Variants in CADM2 observed in about 807,000 individuals in gnomAD.
CADM2 encodes the protein immunoglobulin superfamily member 4D.
CADM2 carries 12 observed loss-of-function variants against 49.8 expected under a neutral mutation model. The observed-to-expected ratio is 0.24, with a 90% CI of 0.15 to 0.39. CADM2 has a LOEUF of 0.39. Among genes scored for constraint, CADM2 ranks in the 10% least tolerant of loss-of-function variants. The pLI, the probability that CADM2 is intolerant of heterozygous loss-of-function variation, is 1.00. For missense variants in CADM2, 378 were observed against 492.3 expected (o/e 0.77, Z 2.20); for synonymous variants, 214 against 175.4 (o/e 1.22, Z -1.74).
At position 85,986,439 on chromosome 3, in the gene CADM2, A is replaced by T. The variant is rs549722257; in HGVS notation, c.970+24792A>T. On this transcript the variant is annotated intron_variant, in intron 8 of 9. Coordinates refer to ENST00000383699, the MANE Select transcript of CADM2 (RefSeq NM_001167675.2). ...AAGTTGTTTATGAGATTCTATTATG[A>T]GTGTTTAGCTATTAAAAATCTTTTT... 1.3e-4 allele frequency among the ~76,000 whole-genome samples: 19 copies of T among 151,420 alleles called. No homozygotes were observed. The South Asian group carries it at 3.5e-3, about 28-fold the overall frequency.
intron 1 of CADM2, among the ~76,000 whole-genome samples, chr3:85,264,588 C>A (rs1405565117): frequency 6.6e-6 from 1 of 151,880 alleles, no homozygotes; most frequent in Non-Finnish European, 1.5e-5. Flanking sequence ...GTGTTGCCAG[C>A]CAATTTAGGG....
At chr3:86,003,931 G>A (rs1449392615) in intron 8 of CADM2, among the ~76,000 whole-genome samples, 1 of 152,138 alleles carries the variant, frequency 6.6e-6, no homozygotes, top group Admixed American at 6.6e-5. Context: ...AAAGGAATTC[G>A]TAATATCACA....
intron 1 of CADM2, among the ~76,000 whole-genome samples, chr3:85,572,159 T>C (rs1358637621): frequency 3.3e-5 from 5 of 152,086 alleles, no homozygotes; most frequent in Non-Finnish European, 7.4e-5. Context: ...TAGCCGGGCA[T>C]GGTGGCGGAT....
chr3:85,360,248 A>G (rs1166097769), intron 1 of CADM2, among the ~76,000 whole-genome samples: 1 of 152,148 alleles, frequency 6.6e-6, no homozygotes, highest in Non-Finnish European at 1.5e-5. Flanking sequence ...CACAAAGCTT[A>G]GGACTTATAA....
rs1358481537 is a variant in CADM2 at position 85,282,524 on chromosome 3, G to A, written c.61+322856G>A. 3.4e-5 allele frequency among the ~76,000 whole-genome samples: 5 copies of A among 149,196 alleles called. No individual in the cohort carries two copies. The East Asian group carries it at 9.9e-4, about 30-fold the overall frequency. ...TGACCTCAAACAATCTACCCGCCTCGGCCTCCCAAAGTGCTGTGATTACAG... is the reference window on the plus strand; with the variant it reads ...TGACCTCAAACAATCTACCCGCCTCAGCCTCCCAAAGTGCTGTGATTACAG... On this transcript the variant is annotated intron_variant, in intron 1 of 9. Transcript: ENST00000383699.
intron 1 of CADM2, among the ~76,000 whole-genome samples, chr3:85,150,923 A>AAATAAT (rs199583843): frequency 0.017 from 2,472 of 146,794 alleles, 59 homozygotes; most frequent in African/African-American, 0.055. Context: ...AAATAAAAAT[A>AAATAAT]AATAATAATA....
At chr3:85,209,386 A>T (rs1330249482) in intron 1 of CADM2, among the ~76,000 whole-genome samples, 1 of 152,140 alleles carries the variant, frequency 6.6e-6, no homozygotes, top group Non-Finnish European at 1.5e-5. Context: ...AGATAAAGTA[A>T]CTGAAGTCCT....
At position 85,180,119 on chromosome 3, in the gene CADM2, A is replaced by G. The variant is rs141004993; in HGVS notation, c.61+220451A>G. ...TGAATATAAATAAAATAAATAAGTA[A>G]AATATATAGTAGGTTATATACTGCT... On this transcript the variant is annotated intron_variant, in intron 1 of 9. Transcript: ENST00000383699. Among the ~76,000 whole-genome samples the G allele has an allele frequency of 5.3e-3, 801 of 152,246 alleles. 6 individuals carry two copies. Among genetic ancestry groups the G allele is most frequent in the African/African-American group, 0.018 (760 of 41,560 alleles).
intron 8 of CADM2, among the ~76,000 whole-genome samples, chr3:86,008,248 G>A (rs1165791572): frequency 2.0e-5 from 3 of 152,104 alleles, no homozygotes; most frequent in Non-Finnish European, 4.4e-5. Flanking sequence ...CGTGCAGCCT[G>A]TTTATTCCTT....
chr3:85,524,928 C>T (rs968255354), intron 1 of CADM2, among the ~76,000 whole-genome samples: 2 of 152,014 alleles, frequency 1.3e-5, no homozygotes, highest in Admixed American at 6.6e-5. Flanking sequence ...TGTTTTGAAA[C>T]CTATTTTGCC....
chr3:85,896,536 G>T (rs1715236077), intron 5 of CADM2, among the ~76,000 whole-genome samples: 1 of 152,164 alleles, frequency 6.6e-6, no homozygotes, highest in Non-Finnish European at 1.5e-5. Context: ...ATTATGCTGT[G>T]TACACCTGGT....
In CADM2 at chr3:85,314,089, C is replaced by T. The variant is rs544195171; in HGVS notation, c.61+354421C>T. 8.9e-3 allele frequency among the ~76,000 whole-genome samples: 1,360 copies of T among 152,188 alleles called. 19 individuals are homozygous for T. The highest frequency in any genetic ancestry group is 0.015 in the Non-Finnish European group (1,043 of 68,002). ...ATTTTTAGTAGAGACGGAGTTTCAC[C>T]GTGTTAGCCAGGATGGTCTCGATCT... is the stretch of plus-strand genomic sequence containing the variant. On this transcript the variant is annotated intron_variant, in intron 1 of 9. Coordinates refer to ENST00000383699, the MANE Select transcript of CADM2 (RefSeq NM_001167675.2).
intron 1 of CADM2, among the ~76,000 whole-genome samples, chr3:85,340,352 C>T (rs1391477620): frequency 6.6e-6 from 1 of 151,442 alleles, no homozygotes; most frequent in Non-Finnish European, 1.5e-5. Flanking sequence ...GAAATTTCCT[C>T]ATGAAGAAAT....
At chr3:85,040,339 C>T (rs1328333858) in intron 1 of CADM2, among the ~76,000 whole-genome samples, 6 of 152,100 alleles carry the variant, frequency 3.9e-5, no homozygotes, top group Non-Finnish European at 7.4e-5. Flanking sequence ...TTTATTTGTT[C>T]CTTGCCTTTG....
At chr3:86,029,602 G>C (rs1159860513) in intron 8 of CADM2, among the ~76,000 whole-genome samples, 1 of 151,830 alleles carries the variant, frequency 6.6e-6, no homozygotes, top group Non-Finnish European at 1.5e-5. Flanking sequence ...ATCAAGGAAA[G>C]ATCATTGTCT....
intron 1 of CADM2, among the ~76,000 whole-genome samples, chr3:85,371,650 GAT>G (rs1200409176): frequency 3.8e-3 from 244 of 64,806 alleles, no homozygotes; most frequent in Non-Finnish European, 6.6e-3. Context: ...TGTGCATGGG[GAT>G]ATATATATAT....
chr3:85,525,386 T>C (rs1262200507), intron 1 of CADM2, among the ~76,000 whole-genome samples: 2 of 152,170 alleles, frequency 1.3e-5, no homozygotes, highest in African/African-American at 4.8e-5. Flanking sequence ...AATCTAGTGC[T>C]ATTTTCCTGT....
At chr3:85,665,029 T>G (rs1428843773) in intron 1 of CADM2, among the ~76,000 whole-genome samples, 1 of 151,990 alleles carries the variant, frequency 6.6e-6, no homozygotes, top group Non-Finnish European at 1.5e-5. Context: ...TTTTCAGAAC[T>G]TTAAAAGTGC....
intron 1 of CADM2, among the ~76,000 whole-genome samples, chr3:85,486,731 TA>T (rs2107637419): frequency 1.3e-5 from 2 of 152,244 alleles, no homozygotes; most frequent in South Asian, 4.2e-4. Flanking sequence ...AAAGTTATTT[TA>T]TAATGGAAAA....
Sources: gnomAD v4.1 joint callset for allele counts (sites outside exome capture counted in the v4.1 genomes callset) on GRCh38, gnomAD v4.1.1 for gene constraint, MANE v1.5 for transcripts, NCBI Gene and HGNC (gene_info 2026-07-23, HGNC 2026-07-21) for gene names.